Variants in MYO15B observed in about 807,000 individuals in gnomAD.
The protein encoded by MYO15B is myosin XVB, also known as myosin XVB pseudogene.
A neutral mutation model predicts 119.3 loss-of-function variants in MYO15B; 207 were observed. The observed-to-expected ratio is 1.73, with a 90% confidence interval of 1.55 to 1.95. MYO15B has a LOEUF of 1.95. Ranked by LOEUF, MYO15B falls within the 30% of genes most tolerant of loss-of-function variation. The probability of loss-of-function intolerance (pLI) is 0.00; values close to 1 mark genes in which losing one functional copy is unlikely to be tolerated. For missense variants in MYO15B, 2,264 were observed against 1,203.1 expected, an observed-to-expected ratio of 1.88 and a Z score of -13.04; for synonymous variants, 966 against 498.9, an observed-to-expected ratio of 1.94 and a Z score of -12.48.
At chr17:75,626,302 A>AGCCCAG in intron 63 of MYO15B, 74 bp downstream of exon 63, 1 of 697,950 alleles carries the variant, frequency 1.4e-6, no homozygotes, top group Non-Finnish European at 2.6e-6. Flanking sequence ...GTGCAGTGGG[A>AGCCCAG]GCCCAGGCCC....
chr17:75,613,814 G>C (rs2148000996), intron 29 of MYO15B, 37 bp downstream of exon 29: 1 of 687,508 alleles, frequency 1.5e-6, no homozygotes, highest in African/African-American at 1.7e-5. Flanking sequence ...TGTGGCCAAA[G>C]TGACCCTTGT....
chr17:75,600,119 C>T (rs28547057), intron 14 of MYO15B, among the ~76,000 whole-genome samples: 2,394 of 147,924 alleles, frequency 0.016, 59 homozygotes, highest in African/African-American at 0.048. Context: ...CTCCGCCTCT[C>T]GGGTTCACGC....
chr17:75,606,524 A>G (rs1405003326), intron 21 of MYO15B, among the ~76,000 whole-genome samples: 2 of 149,236 alleles, frequency 1.3e-5, no homozygotes, highest in African/African-American at 5.0e-5. Flanking sequence ...CCCAGGCTGG[A>G]GTGTAATGGT....
chr17:75,623,918 C>T, intron 54 of MYO15B, 31 bp from the exon 55 acceptor site: 2 of 702,860 alleles, frequency 2.8e-6, no homozygotes, highest in Non-Finnish European at 5.2e-6. Context: ...GTGGCCTGGC[C>T]AGCCTGAAGC....
intron 53 of MYO15B, among the ~76,000 whole-genome samples, chr17:75,622,702 A>G (rs2058777354): frequency 6.6e-6 from 1 of 152,216 alleles, no homozygotes; most frequent in Non-Finnish European, 1.5e-5. Context: ...CAGGTGAGGG[A>G]TGGTGCTGGC....
intron 15 of MYO15B, among the ~76,000 whole-genome samples, chr17:75,602,021 G>A (rs557509038): frequency 2.6e-5 from 4 of 152,218 alleles, no homozygotes; most frequent in Admixed American, 6.5e-5. Context: ...GAAGCTGCAC[G>A]CGTGCCTACC....
Position 75,613,281 on chromosome 17 carries a change from C to T in MYO15B, c.4968-12C>T. ...CACCCTGCCTCCACTGCAGCCTGTG[C>T]CCGCCCTGCAGGTTCGTGTCTGACC... is the stretch of plus-strand genomic sequence containing the variant. On this transcript the variant is annotated splice_polypyrimidine_tract_variant and intron_variant, in intron 27 of 63. Transcript: ENST00000645453. 1.5e-6 allele frequency: 1 copy of T among 667,568 alleles called. No individual in the cohort carries two copies. The highest frequency in any genetic ancestry group is 2.8e-6 in the Non-Finnish European group (1 of 363,482). The allele number at this position is 667,568 out of a possible 1,614,324, so 41.4% of individuals were successfully genotyped here.
chr17:75,621,272 C>A, intron 50 of MYO15B, 73 bp from the exon 51 acceptor site: 1 of 663,552 alleles, frequency 1.5e-6, no homozygotes, highest in South Asian at 1.6e-5. Context: ...TCTTAGCACT[C>A]TCCCTGCCTG....
exon 61 of MYO15B, chr17:75,625,559 TGCAACG>T (rs1341654340): frequency 7.1e-6 from 5 of 702,940 alleles, no homozygotes; most frequent in Non-Finnish European, 1.3e-5. Flanking sequence ...CCAAAGCAGC[TGCAACG>T]GCAGGTGAAC....
chr17:75,603,135 C>A (rs2057393722), intron 18 of MYO15B, 53 bp from the exon 19 acceptor site: 1 of 703,180 alleles, frequency 1.4e-6, no homozygotes, highest in Admixed American at 2.0e-5. Context: ...TCCCTCCCCA[C>A]AGCTCTAGGC....
chr17:75,611,443 T>A (rs1598842955), intron 23 of MYO15B, among the ~76,000 whole-genome samples, 158 bp from the exon 24 acceptor site: 1 of 137,770 alleles, frequency 7.3e-6, no homozygotes, highest in South Asian at 2.3e-4. Flanking sequence ...CACTCTAGCC[T>A]GGGTGACAGA....
rs2058841842 is a variant in MYO15B at position 75,623,775 on chromosome 17, C to G, written c.8083-6C>G. On this transcript the variant is annotated splice_polypyrimidine_tract_variant and splice_region_variant and intron_variant, in intron 53 of 63. Coordinates refer to ENST00000645453, the Ensembl canonical transcript of MYO15B. ...CTCACCCCACCTGCCCTTCCTGTCC[C>G]CACAGCTGTGCCAGCAGGAGAAGCT... is the stretch of plus-strand genomic sequence containing the variant. 1.4e-6 allele frequency: 1 copy of G among 703,234 alleles called. No homozygotes were observed. Among genetic ancestry groups the G allele is most frequent in the Admixed American group, 2.0e-5 (1 of 50,024 alleles). The allele number at this position is 703,234 out of a possible 1,614,324, so 43.6% of individuals were successfully genotyped here.
intron 49 of MYO15B, 189 bp from the exon 50 acceptor site, chr17:75,620,842 G>A (rs1353992735): frequency 1.4e-6 from 1 of 701,898 alleles, no homozygotes; most frequent in Admixed American, 2.0e-5. Context: ...TGGGCTGGAT[G>A]CTGCTCTTGT....
At chr17:75,625,473 C>T in intron 60 of MYO15B, 54 bp from the exon 61 acceptor site, 2 of 700,544 alleles carry the variant, frequency 2.9e-6, no homozygotes, top group South Asian at 1.5e-5. Flanking sequence ...TGCTGTATGC[C>T]CAGCCCTGTA....
intron 60 of MYO15B, 39 bp from the exon 61 acceptor site, chr17:75,625,488 G>C (rs1170185780): frequency 2.8e-6 from 2 of 702,482 alleles, no homozygotes; most frequent in South Asian, 1.5e-5. Context: ...CCTGTACCAG[G>C]TGGTCAGGGG....
intron 45 of MYO15B, 28 bp downstream of exon 45, chr17:75,619,504 G>T: frequency 1.4e-6 from 1 of 698,514 alleles, no homozygotes; most frequent in Non-Finnish European, 2.6e-6. Flanking sequence ...AGGGAGTAGG[G>T]ATGCCAGGCC....
chr17:75,591,894 T>TC, intron 5 of MYO15B, 83 bp from the exon 6 acceptor site: 1 of 676,850 alleles, frequency 1.5e-6, no homozygotes, highest in Admixed American at 2.0e-5. Flanking sequence ...GACTGACGCC[T>TC]CCCTGGACCT....
At chr17:75,610,120 T>C in intron 21 of MYO15B, 46 bp from the exon 22 acceptor site, 1 of 647,784 alleles carries the variant, frequency 1.5e-6, no homozygotes, top group East Asian at 2.8e-5. Context: ...GCAGGAAGCA[T>C]AAGTTTGGAC....
chr17:75,611,046 C>T (rs765367685), intron 23 of MYO15B, 87 bp downstream of exon 23: 16 of 699,734 alleles, frequency 2.3e-5, no homozygotes, highest in Admixed American at 1.2e-4. Context: ...AGGGTGCTAC[C>T]GTGGGTCTTG....
Sources: gnomAD v4.1 joint callset for allele counts (sites outside exome capture counted in the v4.1 genomes callset) on GRCh38, gnomAD v4.1.1 for gene constraint, MANE v1.5 for transcripts, NCBI Gene and HGNC (gene_info 2026-07-23, HGNC 2026-07-21) for gene names.